The following TECPR2 variants were observed in gnomAD, a reference collection of about 807,000 sequenced individuals.
TECPR2 encodes tectonin beta-propeller repeat containing 2, also known as tectonin beta-propeller repeat-containing protein 2.
Under a neutral mutation model 138.1 loss-of-function variants are expected in TECPR2, and 65 were observed. The observed-to-expected ratio is 0.47, with a 90% CI of 0.39 to 0.58. The LOEUF (loss-of-function observed/expected upper bound fraction) is 0.58. Among genes scored for constraint, TECPR2 ranks in the 20% least tolerant of loss-of-function variants. TECPR2 has a pLI of 0.00. For missense variants in TECPR2, 1,553 were observed against 1,824.5 expected (o/e 0.85, Z 2.71); for synonymous variants, 746 against 749.8 (o/e 0.99, Z 0.08).
intron 5 of TECPR2, among the ~76,000 whole-genome samples, chr14:102,418,290 G>A (rs369918703): frequency 5.3e-5 from 8 of 152,348 alleles, no homozygotes; most frequent in South Asian, 2.1e-4. Flanking sequence ...ACTCCTCATC[G>A]GGGGATATCT....
At chr14:102,402,141 T>C (rs12434098) in intron 2 of TECPR2, among the ~76,000 whole-genome samples, 55,470 of 152,070 alleles carry the variant, frequency 0.36, 10,352 homozygotes, top group Middle Eastern at 0.49. Flanking sequence ...CAGGATAGAC[T>C]ATATGTTAAG....
intron 6 of TECPR2, 50 bp downstream of exon 6, chr14:102,425,341 G>C (rs773547228): frequency 6.5e-7 from 1 of 1,527,458 alleles, no homozygotes; most frequent in Non-Finnish European, 8.8e-7. Flanking sequence ...GCAAGAGAAT[G>C]TATCTCTATA....
chr14:102,413,486 C>T (rs894542284), intron 4 of TECPR2, among the ~76,000 whole-genome samples: 4 of 151,656 alleles, frequency 2.6e-5, no homozygotes, highest in Non-Finnish European at 4.4e-5. Flanking sequence ...TCAAGTGATT[C>T]TCCTGCCGCA....
At chr14:102,397,890 A>G (rs1888357115) in intron 2 of TECPR2, among the ~76,000 whole-genome samples, 1 of 151,986 alleles carries the variant, frequency 6.6e-6, no homozygotes, top group Admixed American at 6.6e-5. Flanking sequence ...CAACATGTTG[A>G]AACCCGGGTC....
chr14:102,499,172 G>A lies in TECPR2; in HGVS notation c.*915G>A. ...TGTGTGCACGTGTGTCCCAGGTAGG[G>A]ACGGCACAGGAGGGTGCATGGGGCG... On this transcript the variant is annotated 3_prime_UTR_variant, in exon 20 of 20. Coordinates refer to ENST00000359520, the MANE Select transcript of TECPR2 (RefSeq NM_014844.5). 1.4e-6 allele frequency: 1 copy of A among 703,072 alleles called. No individual in the cohort carries two copies. The highest frequency in any genetic ancestry group is 2.7e-5 in the East Asian group (1 of 37,284). The allele number at this position is 703,072 out of a possible 1,614,324, so 43.6% of individuals were successfully genotyped here. A position where few individuals can be genotyped will look rare whatever the true frequency, so the allele number is the denominator to read the frequency against.
At position 102,500,712 on chromosome 14, in the gene TECPR2, A is replaced by G. The variant is rs903747151; in HGVS notation, c.*2455A>G. ...CATTCCTGGATGGAGGACTACACACATTATGGAAAGACCTCATTCTTTCCA... is the reference window on the plus strand; with the variant it reads ...CATTCCTGGATGGAGGACTACACACGTTATGGAAAGACCTCATTCTTTCCA... On this transcript the variant is annotated 3_prime_UTR_variant, in exon 20 of 20. Coordinates refer to ENST00000359520, the MANE Select transcript of TECPR2 (RefSeq NM_014844.5). 1.3e-5 allele frequency: 2 copies of G among 152,278 alleles called. No individual in the cohort carries two copies. The highest frequency in any genetic ancestry group is 2.4e-5 in the African/African-American group (1 of 41,480). The allele number at this position is 152,278 out of a possible 1,614,324, so 9.4% of individuals were successfully genotyped here. A position where few individuals can be genotyped will look rare whatever the true frequency, so the allele number is the denominator to read the frequency against.
chr14:102,398,787 C>T (rs147971639), intron 2 of TECPR2, among the ~76,000 whole-genome samples: 2 of 152,072 alleles, frequency 1.3e-5, no homozygotes, highest in Admixed American at 6.6e-5. Flanking sequence ...CCTGGAAGGT[C>T]GAGGCTGCAG....
rs149657602 is a variant in TECPR2, at chr14:102,443,723, G to T, written c.2829G>T (p.Arg943=). The change falls in exon 12 of 20, where the codon CGG becomes CGT. Residue 943 remains arginine, a synonymous_variant. Transcript: ENST00000359520. The surrounding 1 kb of genome is among the most constrained non-coding windows in gnomAD (Gnocchi z 4.9). The stretch of plus-strand genomic sequence containing the variant: ...ACCCGCTGTCCCAGATCACAGCCCG[G>T]AACAATGTGGTGTGGGCGCTGACAG... The part of the protein sequence containing the change: ...CPYPLSQITA[R]NNVVWALTEQ... The T allele has an allele frequency of 6.2e-7, 1 of 1,613,276 alleles. No individual in the cohort carries two copies. Among genetic ancestry groups the T allele is most frequent in the Non-Finnish European group, 8.5e-7 (1 of 1,179,366 alleles).
chr14:102,410,944 A>G, intron 4 of TECPR2, among the ~76,000 whole-genome samples: 1 of 152,428 alleles, frequency 6.6e-6, no homozygotes, highest in South Asian at 2.1e-4. Context: ...CTCTAATCAG[A>G]TATCCTGAGT....
chr14:102,465,039 C>T, intron 16 of TECPR2, 102 bp from the exon 17 acceptor site: 1 of 1,427,738 alleles, frequency 7.0e-7, no homozygotes, highest in Non-Finnish European at 9.7e-7. Context: ...AATGCAGCCT[C>T]ATTTCTTTCT....
intron 1 of TECPR2, among the ~76,000 whole-genome samples, chr14:102,364,864 A>G (rs1228441913): frequency 6.6e-6 from 1 of 152,228 alleles, no homozygotes; most frequent in Non-Finnish European, 1.5e-5. Context: ...GGAATAGATC[A>G]GGAAAGGGTT....
intron 2 of TECPR2, among the ~76,000 whole-genome samples, chr14:102,393,634 C>G (rs1184285854): frequency 2.6e-5 from 4 of 152,172 alleles, no homozygotes; most frequent in African/African-American, 4.8e-5. Context: ...TCTTGGCTCA[C>G]TGCAACCTCC....
At chr14:102,455,935 G>A (rs1890267842) in intron 16 of TECPR2, among the ~76,000 whole-genome samples, 1 of 152,126 alleles carries the variant, frequency 6.6e-6, no homozygotes, top group African/African-American at 2.4e-5. Flanking sequence ...TGTATTTTGG[G>A]TAGAGATGGG....
chr14:102,432,298 T>TATAC (rs1555451260), intron 8 of TECPR2, among the ~76,000 whole-genome samples, 170 bp downstream of exon 8: 1 of 148,804 alleles, frequency 6.7e-6, no homozygotes, highest in African/African-American at 2.5e-5. Context: ...TAACGGAAAA[T>TATAC]ACACACACAC....
rs113045294 is a variant in TECPR2, at chr14:102,365,733, G to T, written c.-73+2617G>T. The stretch of plus-strand genomic sequence containing the variant: ...GCTGAGAGAAGAAGCGTGTAGAGGG[G>T]TGATTGCTAAAGGGTAGGGAGTGCA... On this transcript the variant is annotated intron_variant, in intron 1 of 19. Transcript: ENST00000359520. 2.1e-3 allele frequency among the ~76,000 whole-genome samples: 326 copies of T among 152,262 alleles called. 3 individuals are homozygous for T. Among genetic ancestry groups the T allele is most frequent in the African/African-American group, 7.3e-3 (302 of 41,538 alleles).
intron 11 of TECPR2, among the ~76,000 whole-genome samples, chr14:102,442,916 G>T (rs1889872712): frequency 6.6e-6 from 1 of 152,230 alleles, no homozygotes; most frequent in African/African-American, 2.4e-5. Context: ...AGAACACAAG[G>T]AGGCAAGGGG....
chr14:102,440,700 G>T, intron 11 of TECPR2, 91 bp downstream of exon 11: 1 of 1,443,690 alleles, frequency 6.9e-7, no homozygotes. Flanking sequence ...TACCACAATC[G>T]CTATGATTAA....
At chr14:102,464,976 G>A (rs972260026) in intron 16 of TECPR2, among the ~76,000 whole-genome samples, 165 bp from the exon 17 acceptor site, 1 of 152,230 alleles carries the variant, frequency 6.6e-6, no homozygotes, top group Admixed American at 6.5e-5. Flanking sequence ...CCACACAGCC[G>A]ATGTGGATGG....
At chr14:102,446,674 G>A (rs1313129480) in intron 13 of TECPR2, among the ~76,000 whole-genome samples, 1 of 152,004 alleles carries the variant, frequency 6.6e-6, no homozygotes, top group Non-Finnish European at 1.5e-5. Context: ...TACAAGTGGA[G>A]CCACCACTCC....
Sources: gnomAD v4.1 joint callset for allele counts (sites outside exome capture counted in the v4.1 genomes callset) on GRCh38, gnomAD v4.1.1 for gene constraint, Gnocchi (gnomAD v3.1) non-coding constraint, MANE v1.5 for transcripts, NCBI Gene and HGNC (gene_info 2026-07-23, HGNC 2026-07-21) for gene names.